The following ARRDC1 variants were observed in gnomAD, a reference collection of about 807,000 sequenced individuals.
The protein encoded by ARRDC1 is arrestin domain-containing protein 1.
In ARRDC1, 37 loss-of-function variants were observed where a neutral mutation model predicts 40.1. That is an observed-to-expected ratio of 0.92 (90% confidence interval 0.71 to 1.21). The LOEUF is 1.21. Among genes scored for constraint, ARRDC1 ranks in the 50% most tolerant of loss-of-function variants. The pLI is 0.00. For missense variants in ARRDC1, 641 were observed against 581.9 expected (o/e 1.10, Z -1.04); for synonymous variants, 310 against 262.5 (o/e 1.18, Z -1.75).
Position 137,614,544 on chromosome 9 carries a change from C to G in ARRDC1, c.796-15C>G, listed in dbSNP as rs1588992388. 1 of 1,613,078 alleles carries G rather than the reference C, an allele frequency of 6.2e-7. No individual in the cohort carries two copies. Among genetic ancestry groups the G allele is most frequent in the South Asian group, 1.1e-5 (1 of 91,088 alleles). On this transcript the variant is annotated splice_polypyrimidine_tract_variant and intron_variant, in intron 6 of 7. Coordinates refer to ENST00000371421, the MANE Select transcript of ARRDC1 (RefSeq NM_152285.4). The stretch of plus-strand genomic sequence containing the variant: ...TTGGCCCTGGCCCCTCATGCCCCAC[C>G]TCAATCCTGTCCAGGTCTCTCTGAA...
rs750002325 is a variant in ARRDC1, at chr9:137,614,328, C to G, written c.648C>G (p.Ile216Met). ...TGTCCTATAAGGCCAAGCGCTGGAT[C>G]CACGACGTACGGACCATTGCGGAGG... is the stretch of plus-strand genomic sequence containing the variant. ...QKVSYKAKRW[I>M]HDVRTIAEVE... is the part of the protein sequence containing the mutation. The change falls in exon 6 of 8, where the codon ATC becomes ATG. Residue 216 changes from isoleucine to methionine, a missense_variant. Ile to Met is a conservative substitution (Grantham distance 10). Coordinates refer to ENST00000371421, the MANE Select transcript of ARRDC1 (RefSeq NM_152285.4). The G allele has an allele frequency of 6.2e-7, 1 of 1,609,094 alleles. No homozygotes were observed. The highest frequency in any genetic ancestry group is 1.1e-5 in the South Asian group (1 of 90,404).
rs759945901 is a variant in ARRDC1, at chr9:137,614,985, T to C, written c.1222T>C (p.Trp408Arg). ...TLILPPEYSS[W>R]GYPYEAPPSY... ...GATTCTTCCTCCAGAGTACAGTTCT[T>C]GGGGCTACCCCTATGGTGAGTCGAC... is the stretch of plus-strand genomic sequence containing the variant. The change falls in exon 7 of 8, where the codon TGG (tryptophan) becomes CGG (arginine). Residue 408 changes from tryptophan to arginine, a missense_variant. Physicochemically the swap from Trp to Arg is moderately radical, Grantham distance 101. Coordinates refer to ENST00000371421, the MANE Select transcript of ARRDC1 (RefSeq NM_152285.4). The C allele has an allele frequency of 2.5e-6, 4 of 1,613,592 alleles. No homozygotes were observed. In the East Asian group the frequency reaches 8.9e-5, roughly 36 times the overall value.
At chr9:137,609,962 C>T (rs1021032165) in intron 1 of ARRDC1, among the ~76,000 whole-genome samples, 5 of 151,928 alleles carry the variant, frequency 3.3e-5, no homozygotes, top group African/African-American at 7.3e-5. Flanking sequence ...TACAGGCGCC[C>T]GCCACCACAC....
rs569609153 is a variant in ARRDC1 at position 137,609,220 on chromosome 9, C to T, written c.118+3385C>T. On this transcript the variant is annotated intron_variant, in intron 1 of 7. Transcript: ENST00000371421. ...GTGTTTGTGTTCCACCTCCCTCCAACGTGTGTTGAGACATTTATTTATTTA... is the reference window on the plus strand; with the variant it reads ...GTGTTTGTGTTCCACCTCCCTCCAATGTGTGTTGAGACATTTATTTATTTA... Among the ~76,000 whole-genome samples the T allele has an allele frequency of 1.5e-3, 228 of 152,068 alleles. 1 individual carries two copies. Among genetic ancestry groups the T allele is most frequent in the Non-Finnish European group, 2.5e-3 (172 of 68,028 alleles).
At chr9:137,607,740 G>T (rs946535561) in intron 1 of ARRDC1, among the ~76,000 whole-genome samples, 1 of 152,206 alleles carries the variant, frequency 6.6e-6, no homozygotes, top group Non-Finnish European at 1.5e-5. Context: ...CACAGCTTCT[G>T]TGGCAGGCGT....
At chr9:137,608,043 C>T (rs558252174) in intron 1 of ARRDC1, among the ~76,000 whole-genome samples, 71 of 152,272 alleles carry the variant, frequency 4.7e-4, no homozygotes, top group African/African-American at 1.1e-3. Context: ...AGTGTGCCGG[C>T]GCGATCTCGG....
chr9:137,605,832 C>G lies in ARRDC1; in HGVS notation c.115C>G (p.Arg39Gly). The G allele has an allele frequency of 8.0e-7, 1 of 1,253,964 alleles. No homozygotes were observed. Among genetic ancestry groups the G allele is most frequent in the South Asian group, 2.7e-5 (1 of 36,534 alleles). The allele number at this position is 1,253,964 out of a possible 1,614,324, so 77.7% of individuals were successfully genotyped here. The change falls in exon 1 of 8, where the codon CGA (arginine) becomes GGA (glycine). Residue 39 changes from arginine (R) to glycine (G), a missense_variant. By Grantham distance (125) the Arg-to-Gly change is moderately radical. Coordinates refer to ENST00000371421, the MANE Select transcript of ARRDC1 (RefSeq NM_152285.4). ...RVRLGAPLPF[R>G]AIRVTCIGSC... ...GCGCCTGGGGGCACCGCTGCCGTTC[C>G]GAGGTGGGCGCGGGTCCTCGGGGAG...
chr9:137,611,871 G>T (rs1438327691), intron 1 of ARRDC1: 3 of 152,444 alleles, frequency 2.0e-5, no homozygotes, highest in Non-Finnish European at 4.4e-5. Context: ...GAGACCACAG[G>T]TGAGGCAGGT....
At chr9:137,609,172 C>G (rs1416831292) in intron 1 of ARRDC1, among the ~76,000 whole-genome samples, 1 of 152,184 alleles carries the variant, frequency 6.6e-6, no homozygotes, top group Non-Finnish European at 1.5e-5. Flanking sequence ...TCGTACTTGT[C>G]TGCAGTTTGA....
rs1842612051 is a variant in ARRDC1, at chr9:137,614,321, G to A, written c.641G>A (p.Arg214His). 3 of 1,606,794 alleles carry A rather than the reference G, an allele frequency of 1.9e-6. No individual in the cohort carries two copies. Among genetic ancestry groups the A allele is most frequent in the African/African-American group, 1.3e-5 (1 of 74,796 alleles). Reference protein sequence around the residue: ...LLQKVSYKAKRWIHDVRTIAE... With the variant: ...LLQKVSYKAKHWIHDVRTIAE... ...CAGAAAGTGTCCTATAAGGCCAAGC[G>A]CTGGATCCACGACGTACGGACCATT... Residue 214 changes from arginine to histidine, a missense_variant, in exon 6 of 8, where the codon CGC (arginine) becomes CAC (histidine). Transcript: ENST00000371421.
Position 137,615,127 on chromosome 9 carries a change from C to G in ARRDC1, c.1291C>G (p.Pro431Ala), listed in dbSNP as rs772342951. ...SCGGVEPSLT[P>A]ES ...CGGCGGCGTGGAACCCAGCCTGACC[C>G]CTGAGAGCTGACCCCGTGCTGCCTT... is the stretch of plus-strand genomic sequence containing the variant. The change falls in exon 8 of 8, where the codon CCT (proline) becomes GCT (alanine). Residue 431 changes from proline to alanine, a missense_variant. Coordinates refer to ENST00000371421, the MANE Select transcript of ARRDC1 (RefSeq NM_152285.4). 6.5e-7 allele frequency: 1 copy of G among 1,542,048 alleles called. No individual in the cohort carries two copies. Among genetic ancestry groups the G allele is most frequent in the Non-Finnish European group, 8.8e-7 (1 of 1,142,420 alleles).
chr9:137,612,447 T>C, intron 1 of ARRDC1: 2 of 194,404 alleles, frequency 1.0e-5, no homozygotes, highest in South Asian at 1.7e-4. Context: ...AGCATGATGG[T>C]TGGCAGTTAG....
In ARRDC1 at chr9:137,614,015, C is replaced by T. The variant is rs202149444; in HGVS notation, c.436-17C>T. ...CTGCGCACACCTGCTAAGCCCCTCC[C>T]TGGCCCTCCCCCCAAGCAACCCAAC... On this transcript the variant is annotated splice_polypyrimidine_tract_variant and intron_variant, in intron 4 of 7. Transcript: ENST00000371421. The T allele has an allele frequency of 6.8e-6, 11 of 1,613,146 alleles. No homozygotes were observed. In the African/African-American group the frequency reaches 1.3e-4, roughly 20 times the overall value.
chr9:137,609,520 C>T (rs920648754), intron 1 of ARRDC1, among the ~76,000 whole-genome samples: 2 of 152,138 alleles, frequency 1.3e-5, no homozygotes, highest in Non-Finnish European at 2.9e-5. Flanking sequence ...AGGCGTGAGC[C>T]ACTGTGCCTG....
chr9:137,610,810 G>A (rs1842502385), intron 1 of ARRDC1, among the ~76,000 whole-genome samples: 1 of 152,228 alleles, frequency 6.6e-6, no homozygotes, highest in Non-Finnish European at 1.5e-5. Flanking sequence ...TGATCTGCCT[G>A]CCTTGGCCTC....
intron 1 of ARRDC1, 22 bp from the exon 2 acceptor site, chr9:137,612,874 C>T (rs1475211401): frequency 8.8e-6 from 14 of 1,590,062 alleles, no homozygotes; most frequent in Non-Finnish European, 1.2e-5. Flanking sequence ...GGCTGGGGCT[C>T]ATGCAGCCAT....
chr9:137,606,057 C>T (rs1042163564), intron 1 of ARRDC1, among the ~76,000 whole-genome samples: 4 of 151,498 alleles, frequency 2.6e-5, no homozygotes, highest in African/African-American at 7.3e-5. Flanking sequence ...GGCGGGGTCC[C>T]GGCGGGGCCT....
intron 1 of ARRDC1, among the ~76,000 whole-genome samples, chr9:137,610,811 C>T (rs1003110594): frequency 6.6e-6 from 1 of 152,226 alleles, no homozygotes; most frequent in Non-Finnish European, 1.5e-5. Flanking sequence ...GATCTGCCTG[C>T]CTTGGCCTCC....
rs1213118490 is a variant in ARRDC1, at chr9:137,614,670, G to T, written c.907G>T (p.Ala303Ser). The change falls in exon 7 of 8, where the codon GCC becomes TCC. Residue 303 changes from alanine (A) to serine (S), a missense_variant. Ala to Ser is a moderately conservative substitution (Grantham distance 99). Transcript: ENST00000371421. Reference protein sequence around the residue: ...PRPGLGLPPGAPPLVVPSAPP... With the variant: ...PRPGLGLPPGSPPLVVPSAPP... ...GCCAGGCCTGGGGCTGCCTCCTGGG[G>T]CCCCACCCCTGGTGGTGCCTTCCGC... The T allele has an allele frequency of 6.2e-7, 1 of 1,612,386 alleles. No individual in the cohort carries two copies. The highest frequency in any genetic ancestry group is 1.3e-5 in the African/African-American group (1 of 74,846).
Sources: gnomAD v4.1 joint callset for allele counts (sites outside exome capture counted in the v4.1 genomes callset) on GRCh38, gnomAD v4.1.1 for gene constraint, MANE v1.5 for transcripts, NCBI Gene and HGNC (gene_info 2026-07-23, HGNC 2026-07-21) for gene names.